Variants in CWC22 observed in about 807,000 individuals in gnomAD.
CWC22 encodes pre-mRNA-splicing factor CWC22 homolog.
Under a neutral mutation model 117.2 loss-of-function variants are expected in CWC22, and 53 were observed. The ratio of observed to expected loss-of-function variants is 0.45; its 90% confidence interval spans 0.36 to 0.57. The LOEUF (loss-of-function observed/expected upper bound fraction) is 0.57. Among genes scored for constraint, CWC22 ranks in the 20% least tolerant of loss-of-function variants. The pLI, the probability that CWC22 is intolerant of heterozygous loss-of-function variation, is 0.00. For synonymous variants in CWC22, 360 were observed against 355.6 expected (o/e 1.01, Z -0.14); for missense variants, 980 against 1,068.8 (o/e 0.92, Z 1.16).
intron 1 of CWC22, among the ~76,000 whole-genome samples, chr2:179,998,710 T>G (rs568288974): frequency 2.5e-4 from 38 of 152,270 alleles, no homozygotes; most frequent in African/African-American, 8.9e-4. Flanking sequence ...GCACTACTTC[T>G]TTTCAAACAT....
In CWC22 at chr2:179,986,850, T is replaced by C. The variant is rs577606913; in HGVS notation, c.96-45A>G. ...CCAAGTTGCAAATTAAAAACAACTA[T>C]GTTATAAATATTTAGGAAAGTCATA... On this transcript the variant is annotated intron_variant, in intron 3 of 19. Coordinates refer to ENST00000410053, the MANE Select transcript of CWC22 (RefSeq NM_020943.3). 20 of 1,068,170 alleles carry C rather than the reference T, an allele frequency of 1.9e-5. No homozygotes were observed. The African/African-American group carries it at 2.9e-4, about 15-fold the overall frequency. The allele number at this position is 1,068,170 out of a possible 1,614,324, so 66.2% of individuals were successfully genotyped here.
intron 2 of CWC22, among the ~76,000 whole-genome samples, chr2:179,989,579 G>T (rs1041210192): frequency 2.0e-5 from 3 of 152,088 alleles, no homozygotes; most frequent in African/African-American, 7.2e-5. Context: ...TAGGGTATAA[G>T]CACTATTCCA....
chr2:179,950,304 T>C (rs1307084998), intron 19 of CWC22, among the ~76,000 whole-genome samples: 2 of 152,192 alleles, frequency 1.3e-5, no homozygotes, highest in African/African-American at 4.8e-5. Flanking sequence ...TTCATTTCTA[T>C]GATGAGGATG....
At chr2:179,954,389 T>C (rs770817796) in intron 15 of CWC22, 32 bp from the exon 16 acceptor site, 8 of 1,390,476 alleles carry the variant, frequency 5.8e-6, no homozygotes, top group South Asian at 4.0e-5. Context: ...CCATTAAAAA[T>C]TGAATGTTAA....
intron 6 of CWC22, among the ~76,000 whole-genome samples, chr2:179,977,859 TAAA>T (rs1171833537): frequency 1.3e-5 from 2 of 152,088 alleles, no homozygotes; most frequent in African/African-American, 4.8e-5. Flanking sequence ...AAAAAAGAAA[TAAA>T]AAATTAAATT....
chr2:179,978,136 T>C (rs1687198302), intron 6 of CWC22, 54 bp downstream of exon 6: 5 of 1,411,750 alleles, frequency 3.5e-6, no homozygotes, highest in Non-Finnish European at 3.7e-6. Flanking sequence ...GTAGATATTA[T>C]ATTCCTTTGA....
Position 179,973,226 on chromosome 2 carries a change from T to G in CWC22, c.771A>C (p.Ser257=). The G allele has an allele frequency of 6.2e-7, 1 of 1,601,944 alleles. No individual in the cohort carries two copies. The highest frequency in any genetic ancestry group is 1.3e-5 in the African/African-American group (1 of 74,864). ...RNDKQLCLTA[S]KFVAHLINQN... ...GGTTAATAAGATGCGCCACAAATTT[T>G]GAAGCAGTCAGGCAAAGTTGCTGAA... Residue 257 remains serine, a synonymous_variant, in exon 8 of 20, where the codon TCA becomes TCC. Coordinates refer to ENST00000410053, the MANE Select transcript of CWC22 (RefSeq NM_020943.3).
rs766478526 is a variant in CWC22 at position 179,970,858 on chromosome 2, TA to T, written c.941-3del. Reference sequence around the variant, plus strand: ...TGTTTCGAAGGCGTTCAAATATAGCTAAAAGTTAACAGAAAGAAAAGACAAT... The same window carrying T: ...TGTTTCGAAGGCGTTCAAATATAGCTAAAGTTAACAGAAAGAAAAGACAAT... On this transcript the variant is annotated splice_region_variant and splice_polypyrimidine_tract_variant and intron_variant, in intron 9 of 19. Coordinates refer to ENST00000410053, the MANE Select transcript of CWC22 (RefSeq NM_020943.3). The T allele has an allele frequency of 8.1e-6, 13 of 1,611,788 alleles. No individual in the cohort carries two copies. The highest frequency in any genetic ancestry group is 1.1e-5 in the Non-Finnish European group (13 of 1,178,580).
intron 17 of CWC22, among the ~76,000 whole-genome samples, chr2:179,951,996 T>G (rs1245588495): frequency 6.6e-6 from 1 of 152,046 alleles, no homozygotes; most frequent in Non-Finnish European, 1.5e-5. Flanking sequence ...GAAGTCAACC[T>G]AAGTGGCAAT....
At chr2:179,983,883 T>A (rs1013287293) in intron 4 of CWC22, among the ~76,000 whole-genome samples, 1 of 152,136 alleles carries the variant, frequency 6.6e-6, no homozygotes, top group African/African-American at 2.4e-5. Context: ...TTCCTGACAT[T>A]GGTTATGATT....
At chr2:179,973,169 C>A (rs1426580927) in intron 8 of CWC22, 24 bp downstream of exon 8, 2 of 1,550,938 alleles carry the variant, frequency 1.3e-6, no homozygotes, top group Non-Finnish European at 1.8e-6. Context: ...TGAATGGGAC[C>A]AAGTATTGAA....
intron 1 of CWC22, among the ~76,000 whole-genome samples, chr2:179,999,939 G>A (rs547607154): frequency 1.3e-5 from 2 of 152,206 alleles, no homozygotes; most frequent in South Asian, 2.1e-4. Flanking sequence ...GGGACATAAC[G>A]GAACGGAATT....
chr2:179,951,550 T>A (rs1319260338), intron 17 of CWC22, among the ~76,000 whole-genome samples: 2 of 151,928 alleles, frequency 1.3e-5, no homozygotes, highest in African/African-American at 4.8e-5. Context: ...ATAAGAAGAA[T>A]GATTAAGAGT....
At chr2:179,978,148 A>G in intron 6 of CWC22, 42 bp downstream of exon 6, 11 of 1,446,416 alleles carry the variant, frequency 7.6e-6, no homozygotes, top group Non-Finnish European at 1.0e-5. Context: ...TTCCTTTGAA[A>G]AAATACTTAG....
intron 14 of CWC22, among the ~76,000 whole-genome samples, chr2:179,955,684 A>C (rs1429552022): frequency 6.6e-6 from 1 of 152,064 alleles, no homozygotes. Context: ...TATTCCAATT[A>C]GCTATTCAGG....
chr2:179,997,271 T>C (rs919158193), intron 1 of CWC22, among the ~76,000 whole-genome samples: 5 of 151,758 alleles, frequency 3.3e-5, no homozygotes, highest in Admixed American at 6.6e-5. Context: ...GGACTCTAAG[T>C]AGCACATGAA....
chr2:179,947,632 G>A (rs1180382578), intron 19 of CWC22, among the ~76,000 whole-genome samples: 1 of 152,128 alleles, frequency 6.6e-6, no homozygotes, highest in African/African-American at 2.4e-5. Context: ...AACAAATTCT[G>A]TAGAATATAA....
chr2:179,945,744 C>T (rs1413031225), intron 19 of CWC22, 29 bp from the exon 20 acceptor site: 1 of 1,283,842 alleles, frequency 7.8e-7, no homozygotes, highest in East Asian at 2.3e-5. Flanking sequence ...AGACAGTTAG[C>T]TTTTATTTCA....
At chr2:179,990,544 GAC>G (rs1426912596) in intron 2 of CWC22, among the ~76,000 whole-genome samples, 3 of 68,608 alleles carry the variant, frequency 4.4e-5, no homozygotes, top group Non-Finnish European at 8.5e-5. Context: ...GAGTGAGACA[GAC>G]AGAGAGAGAG....
Sources: allele counts gnomAD v4.1 joint callset (sites outside exome capture counted in the v4.1 genomes callset), GRCh38; gene constraint gnomAD v4.1.1; transcripts MANE v1.5; gene names NCBI Gene and HGNC (gene_info 2026-07-23, HGNC 2026-07-21).